PCDHGA1: variants seen among roughly 807,000 people sequenced by gnomAD.
PCDHGA1 encodes protocadherin gamma subfamily A, 1.
A neutral mutation model predicts 58.0 loss-of-function variants in PCDHGA1; 32 were observed. The observed-to-expected ratio is 0.55, with a 90% CI of 0.42 to 0.74. PCDHGA1 has a LOEUF of 0.74. PCDHGA1 is among the 30% of genes least tolerant of loss of function. The pLI is 0.00. For synonymous variants in PCDHGA1, 498 were observed against 501.1 expected (o/e 0.99, Z 0.08); for missense variants, 1,205 against 1,182.3 (o/e 1.02, Z -0.28).
At chr5:141,390,634 T>C (rs1003300188) in intron 1 of PCDHGA1, 36 of 236,246 alleles carry the variant, frequency 1.5e-4, no homozygotes, top group African/African-American at 7.4e-4. Context: ...ATATGATGAA[T>C]ACTTTTTTCA....
At position 141,363,833 on chromosome 5, in the gene PCDHGA1, T is replaced by A. The variant is rs533178318; in HGVS notation, c.2421+30728T>A. 4.7e-4 allele frequency among the ~76,000 whole-genome samples: 71 copies of A among 152,330 alleles called. 1 individual carries two copies. In the South Asian group the frequency reaches 4.8e-3, roughly 10 times the overall value. ...AATCCTACAAAGGTAAGAATTTGAA[T>A]GTCCTAATTTAATGGACTAAATATA... is the stretch of plus-strand genomic sequence containing the variant. On this transcript the variant is annotated intron_variant, in intron 1 of 3. Transcript: ENST00000517417.
intron 1 of PCDHGA1, among the ~76,000 whole-genome samples, chr5:141,438,036 C>T (rs1299733977): frequency 4.6e-5 from 7 of 152,026 alleles, no homozygotes; most frequent in South Asian, 2.1e-4. Flanking sequence ...CCACCATGCC[C>T]GACCACTTTG....
At position 141,432,749 on chromosome 5, in the gene PCDHGA1, G is replaced by A; in HGVS notation, c.2422-62058G>A. 6.8e-6 allele frequency: 11 copies of A among 1,614,106 alleles called. No homozygotes were observed. The highest frequency in any genetic ancestry group is 9.3e-6 in the Non-Finnish European group (11 of 1,179,980). On this transcript the variant is annotated intron_variant, in intron 1 of 3. Coordinates refer to ENST00000517417, the MANE Select transcript of PCDHGA1 (RefSeq NM_018912.3). The surrounding 1 kb of genome is among the most constrained non-coding windows in gnomAD (Gnocchi z 6.0). ...CGCCACTGTCACGCTCACCGTGGCCGTGGCCGACAGCATCCCCCAAGTCCT... is the reference window on the plus strand; with the variant it reads ...CGCCACTGTCACGCTCACCGTGGCCATGGCCGACAGCATCCCCCAAGTCCT...
At chr5:141,370,350 A>C in intron 1 of PCDHGA1, 1 of 1,496,328 alleles carries the variant, frequency 6.7e-7, no homozygotes, top group Non-Finnish European at 9.0e-7. Context: ...TTATTTAAAG[A>C]TCTCCTCTCC....
chr5:141,431,004 G>A lies in PCDHGA1; in HGVS notation c.2422-63803G>A, dbSNP rs569594120. The A allele has an allele frequency of 6.2e-7, 1 of 1,614,048 alleles. No homozygotes were observed. The highest frequency in any genetic ancestry group is 1.1e-5 in the South Asian group (1 of 91,074). On this transcript the variant is annotated intron_variant, in intron 1 of 3. Coordinates refer to ENST00000517417, the MANE Select transcript of PCDHGA1 (RefSeq NM_018912.3). The surrounding 1 kb of genome is among the most constrained non-coding windows in gnomAD (Gnocchi z 4.8). ...CTTTTCGCCCTGAATCCGCGCAGCG[G>A]CAGCTTGGTCACGGCGGGCAGGATA... is the stretch of plus-strand genomic sequence containing the variant.
chr5:141,433,358 C>CCTATCTATCTATCTATCTAT (rs3074541), intron 1 of PCDHGA1: 39 of 504,044 alleles, frequency 7.7e-5, no homozygotes, highest in Admixed American at 1.8e-4. Context: ...CTACTGTCTG[C>CCTATCTATCTATCTATCTAT]CTATCTATCT....
At chr5:141,500,947 C>T (rs933082173) in intron 2 of PCDHGA1, among the ~76,000 whole-genome samples, 15 of 151,822 alleles carry the variant, frequency 9.9e-5, no homozygotes, top group African/African-American at 3.6e-4. Context: ...CGGCTCACTG[C>T]AAGCTCCACC....
In PCDHGA1 at chr5:141,419,475, C is replaced by T. The variant is rs775720158; in HGVS notation, c.2422-75332C>T. On this transcript the variant is annotated intron_variant, in intron 1 of 3. Coordinates refer to ENST00000517417, the MANE Select transcript of PCDHGA1 (RefSeq NM_018912.3). Reference sequence around the variant, plus strand: ...ACGCTGCAGGCCCGCGACCAGGGCTCGCCCGCGCTCAGCGCCAATGTGAGC... The same window carrying T: ...ACGCTGCAGGCCCGCGACCAGGGCTTGCCCGCGCTCAGCGCCAATGTGAGC... The T allele has an allele frequency of 4.6e-5, 74 of 1,612,266 alleles. No homozygotes were observed. The highest frequency in any genetic ancestry group is 5.9e-5 in the Non-Finnish European group (70 of 1,179,514).
At chr5:141,463,581 T>TG (rs2099064477) in intron 1 of PCDHGA1, among the ~76,000 whole-genome samples, 1 of 151,502 alleles carries the variant, frequency 6.6e-6, no homozygotes, top group Non-Finnish European at 1.5e-5. Context: ...CCCGAGTAGC[T>TG]GGGACTACAG....
chr5:141,368,929 T>G (rs1183733565), intron 1 of PCDHGA1, among the ~76,000 whole-genome samples: 1 of 152,228 alleles, frequency 6.6e-6, no homozygotes, highest in South Asian at 2.1e-4. Flanking sequence ...AGTGTCTGTC[T>G]AGAATTCTGG....
At position 141,511,237 on chromosome 5, in the gene PCDHGA1, TG is replaced by T; in HGVS notation, c.*65del. 1 of 1,590,378 alleles carries T rather than the reference TG, an allele frequency of 6.3e-7. No individual in the cohort carries two copies. Among genetic ancestry groups the T allele is most frequent in the Non-Finnish European group, 8.6e-7 (1 of 1,168,304 alleles). On this transcript the variant is annotated 3_prime_UTR_variant, in exon 4 of 4. Transcript: ENST00000517417. ...CCAACCAGCCCAGCTTCTCCTTACC[TG>T]CACCCAGGCCTCAGAGTTTCAGGGC...
rs768882594 is a variant in PCDHGA1, at chr5:141,360,320, C to T, written c.2421+27215C>T. Reference sequence around the variant, plus strand: ...CTGGGGCTCAGCGTCCGGGACTTGCCAGCCCGGAAGCTGCGGGTTAGCGCG... The same window carrying T: ...CTGGGGCTCAGCGTCCGGGACTTGCTAGCCCGGAAGCTGCGGGTTAGCGCG... On this transcript the variant is annotated intron_variant, in intron 1 of 3. Transcript: ENST00000517417. The T allele has an allele frequency of 1.1e-5, 18 of 1,613,930 alleles. No individual in the cohort carries two copies. Among genetic ancestry groups the T allele is most frequent in the Admixed American group, 6.7e-5 (4 of 60,022 alleles).
intron 1 of PCDHGA1, chr5:141,422,608 T>A: frequency 5.0e-6 from 8 of 1,613,956 alleles, no homozygotes; most frequent in Non-Finnish European, 5.1e-6. Context: ...TTACTCTGCC[T>A]ACATTCCCGA....
At chr5:141,478,500 T>G in intron 1 of PCDHGA1, 1 of 1,612,740 alleles carries the variant, frequency 6.2e-7, no homozygotes, top group Non-Finnish European at 8.5e-7. Flanking sequence ...TGTGATCCGG[T>G]GTTCTATAGG....
chr5:141,404,890 A>G (rs745830169), intron 1 of PCDHGA1: 1 of 1,613,870 alleles, frequency 6.2e-7, no homozygotes, highest in Middle Eastern at 1.6e-4. Context: ...TGGTGGCTGT[A>G]CAGGACCATG....
At chr5:141,347,125 T>C (rs1757875813) in intron 1 of PCDHGA1, among the ~76,000 whole-genome samples, 1 of 137,678 alleles carries the variant, frequency 7.3e-6, no homozygotes. Context: ...CTTCCTTCCT[T>C]CCTCTGTTTC....
rs769467027 is a variant in PCDHGA1, at chr5:141,477,255, A to G, written c.2422-17552A>G. On this transcript the variant is annotated intron_variant, in intron 1 of 3. Transcript: ENST00000517417. This position sits in a 1 kb window ranked among gnomAD's most constrained non-coding sequence, Gnocchi z 4.9. ...GCTTTGCTCAGTGTGACTGACCTGGATGCTGGCGAGAACGGGCTGGTGACC... is the reference window on the plus strand; with the variant it reads ...GCTTTGCTCAGTGTGACTGACCTGGGTGCTGGCGAGAACGGGCTGGTGACC... 1 of 1,614,146 alleles carries G rather than the reference A, an allele frequency of 6.2e-7. No individual in the cohort carries two copies. Among genetic ancestry groups the G allele is most frequent in the East Asian group, 2.2e-5 (1 of 44,874 alleles).
intron 1 of PCDHGA1, chr5:141,356,470 G>C: frequency 6.2e-7 from 1 of 1,613,754 alleles, no homozygotes; most frequent in Non-Finnish European, 8.5e-7. Flanking sequence ...CACTGTAACT[G>C]CCACTGACCA....
At chr5:141,423,107 T>G (rs1590430250) in intron 1 of PCDHGA1, 1 of 1,613,696 alleles carries the variant, frequency 6.2e-7, no homozygotes, top group East Asian at 2.2e-5. Flanking sequence ...ACGGGCGAGG[T>G]GCGTACAGCG....
Sources: gnomAD v4.1 joint callset for allele counts (sites outside exome capture counted in the v4.1 genomes callset) on GRCh38, gnomAD v4.1.1 for gene constraint, Gnocchi (gnomAD v3.1) non-coding constraint, MANE v1.5 for transcripts, NCBI Gene and HGNC (gene_info 2026-07-23, HGNC 2026-07-21) for gene names.